DNM3: variants seen among roughly 807,000 people sequenced by gnomAD.
DNM3 encodes dynamin 3, also known as dynamin-3.
In DNM3, 47 loss-of-function variants were observed where a neutral mutation model predicts 101.6. The ratio of observed to expected loss-of-function variants is 0.46; its 90% confidence interval spans 0.37 to 0.59. DNM3 has a LOEUF of 0.59. Ranked by LOEUF, DNM3 falls within the 20% of genes least tolerant of loss-of-function variation. The pLI is 0.00. For synonymous variants in DNM3, 385 were observed against 387.9 expected (o/e 0.99, Z 0.09); for missense variants, 849 against 1,085.7 (o/e 0.78, Z 3.06).
rs763941813 is a variant in DNM3, at chr1:172,021,190, G to A, written c.590-11212G>A. ...TTTATCTTTCATAAAGGAAGCCTTG[G>A]CTGGGCACAGTGGCTCATGCCTGTA... On this transcript the variant is annotated intron_variant, in intron 4 of 20. Transcript: ENST00000627582. 7.8e-4 allele frequency among the ~76,000 whole-genome samples: 119 copies of A among 152,354 alleles called. 1 individual carries two copies. The highest frequency in any genetic ancestry group is 5.2e-4 in the Admixed American group (8 of 15,306).
chr1:172,296,356 T>C (rs544080041), intron 15 of DNM3, among the ~76,000 whole-genome samples: 135 of 152,348 alleles, frequency 8.9e-4, no homozygotes, highest in African/African-American at 3.2e-3. Context: ...TGATTTTGAT[T>C]GCAGGCTCAA....
intron 14 of DNM3, among the ~76,000 whole-genome samples, chr1:172,240,144 G>A (rs140723123): frequency 9.0e-4 from 137 of 152,188 alleles, no homozygotes; most frequent in African/African-American, 3.2e-3. Flanking sequence ...AAGAAACTAT[G>A]TTCCTCTCAG....
At chr1:172,242,611 T>A (rs1263441477) in intron 14 of DNM3, among the ~76,000 whole-genome samples, 1 of 152,046 alleles carries the variant, frequency 6.6e-6, no homozygotes, top group African/African-American at 2.4e-5. Context: ...GCTAGTTTTT[T>A]AAAAAAAATT....
At chr1:171,890,548 ATAT>A (rs891846586) in intron 1 of DNM3, among the ~76,000 whole-genome samples, 2 of 152,226 alleles carry the variant, frequency 1.3e-5, no homozygotes, top group African/African-American at 4.8e-5. Flanking sequence ...AAAAGTATTC[ATAT>A]AAAGTTTTAG....
At chr1:172,104,169 T>TA (rs1239437168) in intron 13 of DNM3, among the ~76,000 whole-genome samples, 11 of 152,366 alleles carry the variant, frequency 7.2e-5, no homozygotes, top group Non-Finnish European at 1.5e-5. Flanking sequence ...GTTTGTATTA[T>TA]ATATAGTACA....
chr1:172,298,893 GA>G lies in DNM3; in HGVS notation c.1770-9832del, dbSNP rs550986047. On this transcript the variant is annotated intron_variant, in intron 15 of 20. Coordinates refer to ENST00000627582, the MANE Select transcript of DNM3 (RefSeq NM_015569.5). ...AGAGAGAGAAAGACAGAGAAAGAAA[GA>G]AAGGAAAAGAAAGAAGGATAAAAAG... Among the ~76,000 whole-genome samples the G allele has an allele frequency of 6.9e-3, 1,044 of 150,908 alleles. 8 individuals are homozygous for G. The highest frequency in any genetic ancestry group is 0.024 in the African/African-American group (987 of 41,132).
chr1:171,922,907 T>G (rs571552131), intron 2 of DNM3, among the ~76,000 whole-genome samples: 73 of 152,378 alleles, frequency 4.8e-4, no homozygotes, highest in African/African-American at 1.7e-3. Flanking sequence ...CTAATAATAT[T>G]CCATTGTCTG....
At chr1:172,110,848 C>A (rs1204457866) in intron 13 of DNM3, among the ~76,000 whole-genome samples, 1 of 152,072 alleles carries the variant, frequency 6.6e-6, no homozygotes, top group African/African-American at 2.4e-5. Flanking sequence ...CAAGCCTGGG[C>A]AACATGACAA....
chr1:172,267,934 G>A (rs972405068), intron 15 of DNM3, among the ~76,000 whole-genome samples: 2 of 152,046 alleles, frequency 1.3e-5, no homozygotes, highest in East Asian at 1.9e-4. Context: ...GGATGGTCTC[G>A]ATCTCCTGAC....
At chr1:172,123,137 G>T (rs963878608) in intron 13 of DNM3, among the ~76,000 whole-genome samples, 7 of 152,090 alleles carry the variant, frequency 4.6e-5, no homozygotes, top group African/African-American at 1.7e-4. Context: ...ATGTAAAAAA[G>T]TCACTTAGCC....
chr1:172,107,398 A>G (rs888474740), intron 13 of DNM3, among the ~76,000 whole-genome samples: 5 of 85,602 alleles, frequency 5.8e-5, no homozygotes, highest in Non-Finnish European at 9.6e-5. Context: ...GGAATGTGGA[A>G]AAAAAAAAAG....
At chr1:172,090,869 C>T (rs1572465652) in intron 12 of DNM3, among the ~76,000 whole-genome samples, 1 of 152,160 alleles carries the variant, frequency 6.6e-6, no homozygotes, top group Non-Finnish European at 1.5e-5. Flanking sequence ...CTTTAGTCTC[C>T]CTTTTCTCTA....
At chr1:172,012,273 AGCAAAGGGAAG>A (rs948368027) in intron 4 of DNM3, among the ~76,000 whole-genome samples, 2 of 152,058 alleles carry the variant, frequency 1.3e-5, no homozygotes, top group Non-Finnish European at 2.9e-5. Context: ...AGTTAGATTC[AGCAAAGGGAAG>A]GCAAAGCAGC....
At chr1:172,283,331 G>A (rs1344750516) in intron 15 of DNM3, among the ~76,000 whole-genome samples, 1 of 152,118 alleles carries the variant, frequency 6.6e-6, no homozygotes, top group Non-Finnish European at 1.5e-5. Flanking sequence ...CCTAGAACTG[G>A]ACACAGTGGT....
intron 11 of DNM3, among the ~76,000 whole-genome samples, chr1:172,070,177 G>A (rs1183336376): frequency 6.6e-6 from 1 of 152,096 alleles, no homozygotes; most frequent in Non-Finnish European, 1.5e-5. Context: ...TCACAGTCTT[G>A]GATAGCTGCA....
At chr1:172,176,747 G>T (rs778924161) in intron 14 of DNM3, among the ~76,000 whole-genome samples, 2 of 151,796 alleles carry the variant, frequency 1.3e-5, no homozygotes, top group Non-Finnish European at 2.9e-5. Context: ...AGAGTGAAAA[G>T]GTAGGTTGAG....
intron 1 of DNM3, among the ~76,000 whole-genome samples, chr1:171,860,579 C>G (rs1211246006): frequency 2.6e-5 from 4 of 151,904 alleles, no homozygotes; most frequent in Non-Finnish European, 2.9e-5. Flanking sequence ...TTACATGGCT[C>G]ATATTATATT....
At chr1:171,989,255 G>A in intron 4 of DNM3, 107 bp downstream of exon 4, 2 of 926,268 alleles carry the variant, frequency 2.2e-6, no homozygotes, top group South Asian at 2.6e-5. Flanking sequence ...AAATAAATTA[G>A]CCATTATTAA....
intron 2 of DNM3, among the ~76,000 whole-genome samples, chr1:171,949,828 T>C (rs2042398239): frequency 6.6e-6 from 1 of 152,152 alleles, no homozygotes; most frequent in Non-Finnish European, 1.5e-5. Flanking sequence ...ACTGTTGGTG[T>C]CAAATGTAAA....
Sources: gnomAD v4.1 joint callset for allele counts (sites outside exome capture counted in the v4.1 genomes callset) on GRCh38, gnomAD v4.1.1 for gene constraint, MANE v1.5 for transcripts, NCBI Gene and HGNC (gene_info 2026-07-23, HGNC 2026-07-21) for gene names.